The following ABLIM2 variants were observed in gnomAD, a reference collection of about 807,000 sequenced individuals.
ABLIM2 encodes the protein actin binding LIM protein family member 2, also known as actin-binding LIM protein 2.
A neutral mutation model predicts 97.7 loss-of-function variants in ABLIM2; 53 were observed. The observed-to-expected ratio is 0.54, with a 90% confidence interval of 0.44 to 0.68. The LOEUF (loss-of-function observed/expected upper bound fraction) is 0.68, where lower values mean the gene tolerates loss of function less well. Among genes scored for constraint, ABLIM2 ranks in the 30% least tolerant of loss-of-function variants. The pLI is 0.00. For missense variants in ABLIM2, 835 were observed against 867.2 expected (o/e 0.96, Z 0.47); for synonymous variants, 361 against 345.8 (o/e 1.04, Z -0.49).
At chr4:8,038,801 G>C (rs148728606) in intron 9 of ABLIM2, among the ~76,000 whole-genome samples, 1 of 152,276 alleles carries the variant, frequency 6.6e-6, no homozygotes, top group Non-Finnish European at 1.5e-5. Flanking sequence ...GATCCTGCAG[G>C]ATTTTCAGCA....
intron 6 of ABLIM2, among the ~76,000 whole-genome samples, chr4:8,063,766 T>C (rs941163937): frequency 6.6e-6 from 1 of 152,230 alleles, no homozygotes; most frequent in South Asian, 2.1e-4. Flanking sequence ...ACAGTTATGT[T>C]CCCTCTTCAA....
chr4:8,051,539 G>C (rs903214471), intron 8 of ABLIM2, among the ~76,000 whole-genome samples: 4 of 127,002 alleles, frequency 3.1e-5, no homozygotes, highest in African/African-American at 1.2e-4. Context: ...ACTCCAGCCT[G>C]AAGACAGAGC....
At chr4:8,080,168 C>T (rs554604127) in intron 5 of ABLIM2, among the ~76,000 whole-genome samples, 9 of 152,354 alleles carry the variant, frequency 5.9e-5, no homozygotes, top group African/African-American at 2.2e-4. Context: ...TCGATGGCAG[C>T]TGCCCCAGGG....
intron 17 of ABLIM2, 126 bp from the exon 18 acceptor site, chr4:7,985,019 C>T (rs1479005041): frequency 1.1e-6 from 1 of 934,492 alleles, no homozygotes; most frequent in Admixed American, 2.2e-5. Context: ...GTAGGGTGTC[C>T]TTAGCACAGC....
In ABLIM2 at chr4:8,002,854, T is replaced by C. The variant is rs1758154857; in HGVS notation, c.1618+5205A>G. On this transcript the variant is annotated intron_variant, in intron 16 of 20. Transcript: ENST00000447017. The surrounding 1 kb of genome is among the most constrained non-coding windows in gnomAD (Gnocchi z 6.1). ...TGCTCTCCCCCATATACCGGCCCTA[T>C]TCAAGTGTACACCCACTTCAAGCCG... 6.6e-6 allele frequency among the ~76,000 whole-genome samples: 1 copy of C among 152,216 alleles called. No individual in the cohort carries two copies. The highest frequency in any genetic ancestry group is 2.1e-4 in the South Asian group (1 of 4,834).
intron 2 of ABLIM2, among the ~76,000 whole-genome samples, chr4:8,105,325 G>A (rs1410425879): frequency 6.6e-6 from 1 of 152,118 alleles, no homozygotes; most frequent in East Asian, 1.9e-4. Flanking sequence ...TTTTCAAATC[G>A]TGTTGCACAC....
intron 17 of ABLIM2, 116 bp from the exon 18 acceptor site, chr4:7,985,009 G>T: frequency 9.2e-7 from 1 of 1,084,568 alleles, no homozygotes; most frequent in Non-Finnish European, 1.4e-6. Flanking sequence ...TGCCTGGGGA[G>T]TAGGGTGTCC....
rs149125935 is a variant in ABLIM2 at position 8,127,271 on chromosome 4, C to A, written c.11-20634G>T. Among the ~76,000 whole-genome samples the A allele has an allele frequency of 6.6e-6, 1 of 152,202 alleles. No individual in the cohort carries two copies. Among genetic ancestry groups the A allele is most frequent in the South Asian group, 2.1e-4 (1 of 4,834 alleles). On this transcript the variant is annotated intron_variant, in intron 1 of 20. Transcript: ENST00000447017. The surrounding 1 kb of genome is among the most constrained non-coding windows in gnomAD (Gnocchi z 7.3). ...GTGTGAGGTTGGATCAGACTCTTCC[C>A]GTCCCCAGCCTTAGCTGACCTGTAC...
chr4:8,037,699 TCA>T (rs1785466015), intron 9 of ABLIM2, among the ~76,000 whole-genome samples: 1 of 152,036 alleles, frequency 6.6e-6, no homozygotes, highest in African/African-American at 2.4e-5. Context: ...CCACACGCAC[TCA>T]CACACATTCA....
Position 7,965,473 on chromosome 4 carries a change from C to T in ABLIM2, c.*1517G>A, listed in dbSNP as rs994738435. The T allele has an allele frequency of 3.9e-5, 6 of 152,586 alleles. No individual in the cohort carries two copies. Among genetic ancestry groups the T allele is most frequent in the Admixed American group, 3.9e-4 (6 of 15,282 alleles). 9.5% of individuals were successfully genotyped at this position (152,586 alleles called of 1,614,324 possible). A position where few individuals can be genotyped will look rare whatever the true frequency, so the allele number is the denominator to read the frequency against. On this transcript the variant is annotated 3_prime_UTR_variant, in exon 21 of 21. Coordinates refer to ENST00000447017, the MANE Select transcript of ABLIM2 (RefSeq NM_001130083.2). Reference sequence around the variant, plus strand: ...GTGCTAAAAACTCCCCCTCCCTAGCCGAGCTGGGCGGGTGAGAAGCCGAGT... The same window carrying T: ...GTGCTAAAAACTCCCCCTCCCTAGCTGAGCTGGGCGGGTGAGAAGCCGAGT...
rs1844676643 is a variant in ABLIM2, at chr4:8,120,151, C to T, written c.11-13514G>A. ...TGGGAGGCAGGAAGAGAAAAACAGCCCAGCGGCCACGCTGCCCCTTCCTCC... is the reference window on the plus strand; with the variant it reads ...TGGGAGGCAGGAAGAGAAAAACAGCTCAGCGGCCACGCTGCCCCTTCCTCC... On this transcript the variant is annotated intron_variant, in intron 1 of 20. Transcript: ENST00000447017. The surrounding 1 kb of genome is among the most constrained non-coding windows in gnomAD (Gnocchi z 5.6). Among the ~76,000 whole-genome samples, 1 of 152,086 alleles carries T rather than the reference C, an allele frequency of 6.6e-6. No individual in the cohort carries two copies. Among genetic ancestry groups the T allele is most frequent in the South Asian group, 2.1e-4 (1 of 4,818 alleles).
intron 20 of ABLIM2, among the ~76,000 whole-genome samples, chr4:7,978,700 C>G (rs1735605578): frequency 6.6e-6 from 1 of 150,480 alleles, no homozygotes; most frequent in Admixed American, 6.6e-5. Context: ...GTGAGCCACC[C>G]ACCCCACCAG....
At chr4:7,978,886 G>A (rs1252610247) in intron 20 of ABLIM2, among the ~76,000 whole-genome samples, 2 of 152,232 alleles carry the variant, frequency 1.3e-5, no homozygotes, top group East Asian at 1.9e-4. Flanking sequence ...CCATGTGATG[G>A]TAGGCAGAGG....
At chr4:8,119,324 CTTTTT>C (rs71175466) in intron 1 of ABLIM2, among the ~76,000 whole-genome samples, 44 of 108,136 alleles carry the variant, frequency 4.1e-4, no homozygotes, top group African/African-American at 1.3e-3. Context: ...GGGCTTCCTT[CTTTTT>C]TTTTTTTTTT....
intron 4 of ABLIM2, among the ~76,000 whole-genome samples, chr4:8,081,025 T>G (rs1819493946): frequency 6.6e-6 from 1 of 152,176 alleles, no homozygotes; most frequent in Non-Finnish European, 1.5e-5. Context: ...GAGCACTGAC[T>G]GCATGCAGCC....
In ABLIM2 at chr4:8,155,777, A is replaced by G. The variant is rs1044778461; in HGVS notation, c.10+2903T>C. Among the ~76,000 whole-genome samples the G allele has an allele frequency of 2.0e-5, 3 of 151,894 alleles. No homozygotes were observed. Among genetic ancestry groups the G allele is most frequent in the Middle Eastern group, 3.4e-3 (1 of 294 alleles). ...CAAAGGGAAGACGGGACGAGGACAC[A>G]GACACACACAAAGGGAAGACGGGGC... is the stretch of plus-strand genomic sequence containing the variant. On this transcript the variant is annotated intron_variant, in intron 1 of 20. Coordinates refer to ENST00000447017, the MANE Select transcript of ABLIM2 (RefSeq NM_001130083.2). The surrounding 1 kb of genome is among the most constrained non-coding windows in gnomAD (Gnocchi z 4.2).
chr4:8,064,472 AGAAAGTTCC>A (rs1805674385), intron 6 of ABLIM2, among the ~76,000 whole-genome samples: 1 of 152,242 alleles, frequency 6.6e-6, no homozygotes, highest in Non-Finnish European at 1.5e-5. Flanking sequence ...GGGACTCTGC[AGAAAGTTCC>A]CAACAGCCAC....
At position 7,986,072 on chromosome 4, in the gene ABLIM2, G is replaced by A. The variant is rs556779338; in HGVS notation, c.1681-1179C>T. ...CTGTTGAAGAAAATGTCTTATTCAC[G>A]CTTCGTTCCCCAGCACCTGGAACGG... On this transcript the variant is annotated intron_variant, in intron 17 of 20. Coordinates refer to ENST00000447017, the MANE Select transcript of ABLIM2 (RefSeq NM_001130083.2). The surrounding 1 kb of genome is among the most constrained non-coding windows in gnomAD (Gnocchi z 4.3). Among the ~76,000 whole-genome samples, 13 of 152,296 alleles carry A rather than the reference G, an allele frequency of 8.5e-5. No homozygotes were observed. The highest frequency in any genetic ancestry group is 1.5e-4 in the Non-Finnish European group (10 of 68,030).
chr4:8,135,686 G>T (rs1468352336), intron 1 of ABLIM2, among the ~76,000 whole-genome samples: 1 of 152,212 alleles, frequency 6.6e-6, no homozygotes, highest in Non-Finnish European at 1.5e-5. Context: ...GTGATATCCT[G>T]TGAGAGTGGC....
Sources: allele counts gnomAD v4.1 joint callset (sites outside exome capture counted in the v4.1 genomes callset), GRCh38; gene constraint gnomAD v4.1.1; non-coding constraint Gnocchi (gnomAD v3.1); transcripts MANE v1.5; gene names NCBI Gene and HGNC (gene_info 2026-07-23, HGNC 2026-07-21).